Variants in CEP70 observed in about 807,000 individuals in gnomAD.
CEP70 encodes centrosomal protein of 70 kDa.
In CEP70, 70 loss-of-function variants were observed where a neutral mutation model predicts 90.9. The ratio of observed to expected loss-of-function variants is 0.77; its 90% CI spans 0.64 to 0.94. The LOEUF (loss-of-function observed/expected upper bound fraction) is 0.94. Among genes scored for constraint, CEP70 ranks in the 40% least tolerant of loss-of-function variants. The probability of loss-of-function intolerance (pLI) is 0.00; values close to 1 mark genes in which losing one functional copy is unlikely to be tolerated. For synonymous variants in CEP70, 220 were observed against 228.3 expected (o/e 0.96, Z 0.33); for missense variants, 648 against 669.0 (o/e 0.97, Z 0.35).
chr3:138,506,387 A>C (rs1352625106), intron 12 of CEP70, among the ~76,000 whole-genome samples: 1 of 152,154 alleles, frequency 6.6e-6, no homozygotes, highest in African/African-American at 2.4e-5. Context: ...TAGGTATCTT[A>C]ATATATTAAG....
At chr3:138,521,015 G>T (rs1193444950) in intron 11 of CEP70, among the ~76,000 whole-genome samples, 3 of 152,158 alleles carry the variant, frequency 2.0e-5, no homozygotes, top group Non-Finnish European at 4.4e-5. Flanking sequence ...TCGCCATGTT[G>T]GCCGGGCTGC....
intron 1 of CEP70, chr3:138,593,160 A>G (rs1156830339): frequency 6.6e-6 from 1 of 152,214 alleles, no homozygotes; most frequent in Non-Finnish European, 1.5e-5. Context: ...GGCAATATTT[A>G]AAGTACAAAA....
Position 138,544,381 on chromosome 3 carries a change from G to T in CEP70, c.466-7034C>A, listed in dbSNP as rs1340378636. Among the ~76,000 whole-genome samples the T allele has an allele frequency of 4.0e-5, 6 of 151,424 alleles. No homozygotes were observed. The South Asian group carries it at 1.2e-3, about 31-fold the overall frequency. ...ACAAAAAAAAAAAAAGTACTGGTGA[G>T]GATATAGAGAAAGAGGAATCCTGGT... is the stretch of plus-strand genomic sequence containing the variant. On this transcript the variant is annotated intron_variant, in intron 6 of 17. Coordinates refer to ENST00000264982, the MANE Select transcript of CEP70 (RefSeq NM_024491.4).
intron 11 of CEP70, among the ~76,000 whole-genome samples, chr3:138,509,011 G>C (rs574543069): frequency 5.3e-5 from 8 of 152,260 alleles, no homozygotes; most frequent in African/African-American, 1.9e-4. Flanking sequence ...GGGATTACAG[G>C]CGTGAGCCAC....
In CEP70 at chr3:138,515,298, C is replaced by T. The variant is rs540962466; in HGVS notation, c.945-6754G>A. On this transcript the variant is annotated intron_variant, in intron 11 of 17. Transcript: ENST00000264982. ...ATTTTTTTGATTCATTAACATTGAA[C>T]TCATGGACAACAGCACTCTATAACT... Among the ~76,000 whole-genome samples, 4 of 151,760 alleles carry T rather than the reference C, an allele frequency of 2.6e-5. No homozygotes were observed. The East Asian group carries it at 7.7e-4, about 29-fold the overall frequency.
rs186075226 is a variant in CEP70, at chr3:138,570,574, T to C, written c.285-76A>G. 686 of 1,113,970 alleles carry C rather than the reference T, an allele frequency of 6.2e-4. 4 individuals carry two copies. The African/African-American group carries it at 0.01, about 17-fold the overall frequency. The allele number at this position is 1,113,970 out of a possible 1,614,324, so 69.0% of individuals were successfully genotyped here. On this transcript the variant is annotated intron_variant, in intron 5 of 17. Coordinates refer to ENST00000264982, the MANE Select transcript of CEP70 (RefSeq NM_024491.4). Reference sequence around the variant, plus strand: ...ATTACCAAGCATATCCATATAAGAATGTATTGCCTTTCTAAAGTTTCTTTG... The same window carrying C: ...ATTACCAAGCATATCCATATAAGAACGTATTGCCTTTCTAAAGTTTCTTTG...
chr3:138,541,126 G>A (rs1012580529), intron 6 of CEP70, among the ~76,000 whole-genome samples: 5 of 152,110 alleles, frequency 3.3e-5, no homozygotes, highest in African/African-American at 1.2e-4. Flanking sequence ...GATAACTATT[G>A]GGTACTGGGC....
At chr3:138,521,532 G>A (rs1386351386) in intron 11 of CEP70, among the ~76,000 whole-genome samples, 5 of 144,512 alleles carry the variant, frequency 3.5e-5, no homozygotes, top group Admixed American at 1.4e-4. Flanking sequence ...ACCTATGCCC[G>A]GCCGCCCCAT....
intron 11 of CEP70, among the ~76,000 whole-genome samples, chr3:138,523,192 G>A (rs1171023861): frequency 2.0e-5 from 3 of 152,002 alleles, no homozygotes; most frequent in Non-Finnish European, 2.9e-5. Context: ...TGCTAAAATC[G>A]CTCAATAAAT....
At chr3:138,559,248 A>G (rs1231842892) in intron 6 of CEP70, among the ~76,000 whole-genome samples, 1 of 152,206 alleles carries the variant, frequency 6.6e-6, no homozygotes, top group Non-Finnish European at 1.5e-5. Flanking sequence ...TCAATGATAA[A>G]TACTAATGGA....
chr3:138,514,906 G>C (rs2035863491), intron 11 of CEP70, among the ~76,000 whole-genome samples: 1 of 151,964 alleles, frequency 6.6e-6, no homozygotes, highest in South Asian at 2.1e-4. Context: ...TCCATGTCTA[G>C]ATACTACCAA....
chr3:138,563,429 T>C (rs1470125720), intron 6 of CEP70, among the ~76,000 whole-genome samples: 1 of 152,146 alleles, frequency 6.6e-6, no homozygotes. Flanking sequence ...TATTCTAAAA[T>C]TGACTACATA....
chr3:138,549,143 C>T (rs1313253992), intron 6 of CEP70, among the ~76,000 whole-genome samples: 1 of 151,648 alleles, frequency 6.6e-6, no homozygotes, highest in African/African-American at 2.4e-5. Context: ...AAAGACCATA[C>T]AGGAAGGAAA....
intron 6 of CEP70, among the ~76,000 whole-genome samples, chr3:138,549,904 C>T (rs967251317): frequency 3.9e-5 from 6 of 152,120 alleles, no homozygotes; most frequent in Non-Finnish European, 8.8e-5. Flanking sequence ...TGCAGATAAT[C>T]CCCAGTACCA....
At chr3:138,593,300 G>C (rs1457473173) in intron 1 of CEP70, among the ~76,000 whole-genome samples, 2 of 152,178 alleles carry the variant, frequency 1.3e-5, no homozygotes, top group South Asian at 4.1e-4. Flanking sequence ...TCGGCTCACA[G>C]CAACCTCCGC....
At chr3:138,496,234 C>G (rs2033946924) in intron 17 of CEP70, 1 of 985,302 alleles carries the variant, frequency 1.0e-6, no homozygotes, top group African/African-American at 1.7e-5. Context: ...TGGATTCCAA[C>G]TCTCTCCATT....
Position 138,510,856 on chromosome 3 carries a change from C to CTTTTT in CEP70, c.945-2317_945-2313dup, listed in dbSNP as rs869032871. Among the ~76,000 whole-genome samples, 14 of 107,016 alleles carry CTTTTT rather than the reference C, an allele frequency of 1.3e-4. 1 individual carries two copies. The highest frequency in any genetic ancestry group is 3.8e-4 in the African/African-American group (12 of 31,474). The allele number at this position is 107,016 out of a possible 152,430, so 70.2% of individuals were successfully genotyped here. On this transcript the variant is annotated intron_variant, in intron 11 of 17. Transcript: ENST00000264982. ...CCCACAAATTTAATGCTTTTTCCAT[C>CTTTTT]TTTTTTTTTTTTTTTTTTTTTTGAG...
At chr3:138,564,687 C>G (rs111940019) in intron 6 of CEP70, among the ~76,000 whole-genome samples, 1 of 151,942 alleles carries the variant, frequency 6.6e-6, no homozygotes, top group Non-Finnish European at 1.5e-5. Context: ...GGGGATTGAT[C>G]GAACGTATCT....
intron 6 of CEP70, among the ~76,000 whole-genome samples, chr3:138,551,759 T>TA (rs1305306156): frequency 6.2e-5 from 7 of 112,620 alleles, no homozygotes; most frequent in South Asian, 4.8e-4. Context: ...AAAAAAAAAA[T>TA]AAAATAAAAC....
Sources: allele counts gnomAD v4.1 joint callset (sites outside exome capture counted in the v4.1 genomes callset), GRCh38; gene constraint gnomAD v4.1.1; transcripts MANE v1.5; gene names NCBI Gene and HGNC (gene_info 2026-07-23, HGNC 2026-07-21).